Variants in CSMD1 observed in about 807,000 individuals in gnomAD.
The protein encoded by CSMD1 is CUB and Sushi multiple domains 1, also known as CUB and sushi domain-containing protein 1.
In CSMD1, 213 loss-of-function variants were observed where a neutral mutation model predicts 417.5. The ratio of observed to expected loss-of-function variants is 0.51; its 90% CI spans 0.46 to 0.57. CSMD1 has a LOEUF of 0.57. CSMD1 is among the 20% of genes least tolerant of loss of function. CSMD1 has a pLI of 0.00. For missense variants in CSMD1, 6,923 were observed against 4,529.7 expected (o/e 1.53, Z -15.17); for synonymous variants, 2,862 against 1,736.8 (o/e 1.65, Z -16.11).
chr8:3,889,452 C>CATACATAT (rs1806795047), intron 5 of CSMD1, among the ~76,000 whole-genome samples: 1 of 45,376 alleles, frequency 2.2e-5, no homozygotes, highest in Non-Finnish European at 3.9e-5. Flanking sequence ...CTGATCTTTC[C>CATACATAT]ATATATATAT....
chr8:3,174,903 C>T (rs1563110886), intron 37 of CSMD1, among the ~76,000 whole-genome samples: 1 of 151,962 alleles, frequency 6.6e-6, no homozygotes, highest in African/African-American at 2.4e-5. Flanking sequence ...TTATTTTTTA[C>T]ATGTTTGACT....
intron 3 of CSMD1, among the ~76,000 whole-genome samples, chr8:4,115,147 A>C (rs984459306): frequency 6.6e-6 from 1 of 152,200 alleles, no homozygotes; most frequent in African/African-American, 2.4e-5. Context: ...GCAAAATATC[A>C]ATATCTCATT....
At chr8:4,295,330 A>T in intron 3 of CSMD1, among the ~76,000 whole-genome samples, 9 of 124,134 alleles carry the variant, frequency 7.3e-5, no homozygotes, top group African/African-American at 2.4e-4. Flanking sequence ...ATGCACATAT[A>T]ATCTTAAGAT....
At chr8:3,535,005 T>G (rs1798133800) in intron 10 of CSMD1, among the ~76,000 whole-genome samples, 1 of 152,200 alleles carries the variant, frequency 6.6e-6, no homozygotes, top group Non-Finnish European at 1.5e-5. Flanking sequence ...TGGAGTGCAG[T>G]GGTGCAATCA....
chr8:4,199,668 G>A (rs963094317), intron 3 of CSMD1, among the ~76,000 whole-genome samples: 33 of 152,110 alleles, frequency 2.2e-4, no homozygotes, highest in African/African-American at 7.7e-4. Flanking sequence ...GTATGAGGCT[G>A]GACAGGCAAG....
chr8:3,902,300 T>C (rs1054176032), intron 5 of CSMD1, among the ~76,000 whole-genome samples: 6 of 152,198 alleles, frequency 3.9e-5, no homozygotes, highest in African/African-American at 1.4e-4. Context: ...TGTCAAATCC[T>C]GTTACTCCAA....
At chr8:4,486,182 TATATATATATATATATACATAC>T (rs1463592222) in intron 2 of CSMD1, among the ~76,000 whole-genome samples, 765 of 11,300 alleles carry the variant, frequency 0.068, 24 homozygotes, top group East Asian at 0.17. Flanking sequence ...TATACATACA[TATATATATATATATATACATAC>T]ATATATATAT....
intron 1 of CSMD1, among the ~76,000 whole-genome samples, chr8:4,838,381 A>G (rs924852504): frequency 1.3e-5 from 2 of 152,216 alleles, no homozygotes; most frequent in African/African-American, 4.8e-5. Flanking sequence ...AGATAGAAAA[A>G]TAAATAGAAG....
At chr8:3,261,670 G>A (rs376276067) in intron 26 of CSMD1, among the ~76,000 whole-genome samples, 7 of 152,054 alleles carry the variant, frequency 4.6e-5, no homozygotes, top group South Asian at 2.1e-4. Flanking sequence ...GGAATCTAAA[G>A]GAATATGCCC....
chr8:4,368,384 T>C (rs1323962282), intron 3 of CSMD1, among the ~76,000 whole-genome samples: 1 of 152,078 alleles, frequency 6.6e-6, no homozygotes, highest in Non-Finnish European at 1.5e-5. Flanking sequence ...CTGGATTCAG[T>C]TTGCTGGTAT....
At chr8:3,931,256 C>T (rs893525204) in intron 5 of CSMD1, among the ~76,000 whole-genome samples, 9 of 150,446 alleles carry the variant, frequency 6.0e-5, no homozygotes, top group African/African-American at 1.2e-4. Flanking sequence ...TTTCTCAGAA[C>T]GCTCTGCATT....
At chr8:4,007,311 G>C (rs1490524862) in intron 4 of CSMD1, among the ~76,000 whole-genome samples, 1 of 152,172 alleles carries the variant, frequency 6.6e-6, no homozygotes, top group Non-Finnish European at 1.5e-5. Flanking sequence ...GGCTTCTTCT[G>C]TTCCTCATCC....
intron 51 of CSMD1, among the ~76,000 whole-genome samples, chr8:3,028,293 C>G (rs1447334087): frequency 6.6e-6 from 1 of 152,124 alleles, no homozygotes; most frequent in Admixed American, 6.6e-5. Flanking sequence ...CTCCAGGTGA[C>G]AAAATCTGTG....
At chr8:3,924,424 G>C (rs536599444) in intron 5 of CSMD1, among the ~76,000 whole-genome samples, 2 of 152,030 alleles carry the variant, frequency 1.3e-5, no homozygotes, top group Non-Finnish European at 2.9e-5. Flanking sequence ...TCCAGATTTG[G>C]AAAGCTTTTG....
chr8:3,187,756 T>G, intron 36 of CSMD1, 113 bp downstream of exon 36: 2 of 739,770 alleles, frequency 2.7e-6, no homozygotes, highest in South Asian at 3.3e-5. Flanking sequence ...ATTATGGAGA[T>G]AGAAGAATTG....
At chr8:3,388,457 T>A (rs1811145604) in intron 17 of CSMD1, among the ~76,000 whole-genome samples, 1 of 152,258 alleles carries the variant, frequency 6.6e-6, no homozygotes, top group Non-Finnish European at 1.5e-5. Flanking sequence ...AAATAAAAAA[T>A]CCTTGTTATT....
chr8:3,775,133 G>C (rs1470064358), intron 5 of CSMD1, among the ~76,000 whole-genome samples: 1 of 152,196 alleles, frequency 6.6e-6, no homozygotes, highest in Non-Finnish European at 1.5e-5. Flanking sequence ...GTAGGTAACT[G>C]AAACTGCAGA....
intron 7 of CSMD1, among the ~76,000 whole-genome samples, chr8:3,701,253 T>G (rs1800847836): frequency 6.6e-6 from 1 of 152,140 alleles, no homozygotes; most frequent in Admixed American, 6.5e-5. Context: ...ATTCTGGAAT[T>G]GGATCATCTC....
At chr8:3,651,534 C>CGGAG (rs1337011892) in intron 7 of CSMD1, among the ~76,000 whole-genome samples, 11 of 152,256 alleles carry the variant, frequency 7.2e-5, no homozygotes, top group African/African-American at 2.6e-4. Flanking sequence ...GTGTCTCCTC[C>CGGAG]AATGTCATGG....
Sources: gnomAD v4.1 joint callset for allele counts (sites outside exome capture counted in the v4.1 genomes callset) on GRCh38, gnomAD v4.1.1 for gene constraint, MANE v1.5 for transcripts, NCBI Gene and HGNC (gene_info 2026-07-23, HGNC 2026-07-21) for gene names.